OR10A2: variants seen among roughly 807,000 people sequenced by gnomAD.
The protein encoded by OR10A2 is olfactory receptor 10A2.
OR10A2 carries 15 observed loss-of-function variants against 13.7 expected under a neutral mutation model. The observed-to-expected ratio is 1.10, with a 90% CI of 0.73 to 1.69. The LOEUF is 1.69. Ranked by LOEUF, OR10A2 falls within the 40% of genes most tolerant of loss-of-function variation. The pLI is 0.00. For missense variants in OR10A2, 343 were observed against 361.1 expected (o/e 0.95, Z 0.41); for synonymous variants, 145 against 144.7 (o/e 1.00, Z -0.02).
At chr11:6,869,534 C>A in intron 1 of OR10A2, 89 bp from the exon 2 acceptor site, 1 of 571,894 alleles carries the variant, frequency 1.7e-6, no homozygotes, top group East Asian at 2.9e-5. Flanking sequence ...AGAGATTAGG[C>A]TCTGGCTACT....
At chr11:6,866,200 T>C (rs1479539362) in intron 1 of OR10A2, among the ~76,000 whole-genome samples, 2 of 152,214 alleles carry the variant, frequency 1.3e-5, no homozygotes, top group African/African-American at 4.8e-5. Context: ...ATTCATGTTT[T>C]TATATGAACA....
Position 6,873,921 on chromosome 11 carries a change from G to T in OR10A2, c.*3255G>T, listed in dbSNP as rs1044191125. 1 of 152,212 alleles carries T rather than the reference G, an allele frequency of 6.6e-6. No individual in the cohort carries two copies. The highest frequency in any genetic ancestry group is 2.4e-5 in the African/African-American group (1 of 41,446). 9.4% of individuals were successfully genotyped at this position (152,212 alleles called of 1,614,324 possible). On this transcript the variant is annotated 3_prime_UTR_variant, in exon 2 of 2. Coordinates refer to ENST00000641461, the MANE Select transcript of OR10A2 (RefSeq NM_001004460.2). ...GGCAGTGGTGGTAGAGCTGGAGAAG[G>T]TGACACTGAATTAGTGTTTAGGAGT...
At chr11:6,865,933 G>C (rs138688573) in intron 1 of OR10A2, among the ~76,000 whole-genome samples, 1 of 152,064 alleles carries the variant, frequency 6.6e-6, no homozygotes, top group Non-Finnish European at 1.5e-5. Context: ...CCACCCTCTC[G>C]TTAGTCACTG....
Position 6,866,968 on chromosome 11 carries a change from T to C in OR10A2, c.-132-2655T>C, listed in dbSNP as rs541328412. 3.9e-5 allele frequency among the ~76,000 whole-genome samples: 6 copies of C among 152,218 alleles called. 1 individual carries two copies. In the South Asian group the frequency reaches 6.2e-4, roughly 16 times the overall value. ...TTCTGTCATTCTGGAATACCTGTTA[T>C]AGTGATTTTATTTCTTGTATTTTAC... On this transcript the variant is annotated intron_variant, in intron 1 of 1. Coordinates refer to ENST00000641461, the MANE Select transcript of OR10A2 (RefSeq NM_001004460.2).
intron 1 of OR10A2, among the ~76,000 whole-genome samples, chr11:6,868,200 T>C (rs1425341104): frequency 6.6e-6 from 1 of 152,190 alleles, no homozygotes; most frequent in Admixed American, 6.5e-5. Flanking sequence ...AAATCTTAGA[T>C]CAGTTTGATT....
At position 6,871,369 on chromosome 11, in the gene OR10A2, C is replaced by G. The variant is rs564188677; in HGVS notation, c.*703C>G. On this transcript the variant is annotated 3_prime_UTR_variant, in exon 2 of 2. Transcript: ENST00000641461. ...TAAAAATCATCTTGTCACTTTTCCT[C>G]TTCTGGGCAGATCTGACTCTACATT... 1.3e-5 allele frequency: 2 copies of G among 151,812 alleles called. No homozygotes were observed. The highest frequency in any genetic ancestry group is 4.8e-5 in the African/African-American group (2 of 41,374). The allele number at this position is 151,812 out of a possible 1,614,324, so 9.4% of individuals were successfully genotyped here.
Position 6,869,631 on chromosome 11 carries a change from AG to A in OR10A2, c.-123del. The stretch of plus-strand genomic sequence containing the variant: ...GCCTCTTTCCCTGACAGTAAGAACG[AG>A]TCTGAAAAACAAATTGAGAATCTGA... On this transcript the variant is annotated 5_prime_UTR_variant, in exon 2 of 2. An upstream open reading frame in the 5' UTR gains an earlier in-frame stop. Coordinates refer to ENST00000641461, the MANE Select transcript of OR10A2 (RefSeq NM_001004460.2). 1.1e-6 allele frequency: 1 copy of A among 880,932 alleles called. No individual in the cohort carries two copies. The highest frequency in any genetic ancestry group is 1.6e-5 in the South Asian group (1 of 63,382). The allele number at this position is 880,932 out of a possible 1,614,324, so 54.6% of individuals were successfully genotyped here.
rs773406594 is a variant in OR10A2 at position 6,869,820 on chromosome 11, C to T, written c.66C>T (p.Tyr22=). 20 of 1,614,156 alleles carry T rather than the reference C, an allele frequency of 1.2e-5. No individual in the cohort carries two copies. The Admixed American group carries it at 3.3e-4, about 27-fold the overall frequency. ...SLLFLTFLTI[Y]LVTLMGNCLI... The stretch of plus-strand genomic sequence containing the variant: ...TCTTTCTGACATTTCTAACCATCTA[C>T]CTGGTCACCCTGATGGGAAACTGCC... The change falls in exon 2 of 2, where the codon TAC becomes TAT. Residue 22 remains tyrosine (Y), a synonymous_variant. Coordinates refer to ENST00000641461, the MANE Select transcript of OR10A2 (RefSeq NM_001004460.2).
chr11:6,865,164 T>C (rs1234966627), intron 1 of OR10A2, among the ~76,000 whole-genome samples: 2 of 147,220 alleles, frequency 1.4e-5, no homozygotes, highest in South Asian at 2.1e-4. Context: ...TATTTATATA[T>C]ACTTATCTAG....
rs1167733970 is a variant in OR10A2 at position 6,873,700 on chromosome 11, C to A, written c.*3034C>A. 1 of 149,928 alleles carries A rather than the reference C, an allele frequency of 6.7e-6. No homozygotes were observed. The highest frequency in any genetic ancestry group is 1.9e-4 in the East Asian group (1 of 5,138). The allele number at this position is 149,928 out of a possible 1,614,324, so 9.3% of individuals were successfully genotyped here. ...ACCTTGTTAAAGGATTTACTTTATC[C>A]CAGGGGCCATACGGAGTAATTGAAA... On this transcript the variant is annotated 3_prime_UTR_variant, in exon 2 of 2. Transcript: ENST00000641461.
chr11:6,870,947 C>CTTTT lies in OR10A2; in HGVS notation c.*295_*298dup, dbSNP rs35120311. 3.1e-3 allele frequency: 434 copies of CTTTT among 138,376 alleles called. 2 individuals are homozygous for CTTTT. The highest frequency in any genetic ancestry group is 0.011 in the South Asian group (58 of 5,460). 8.6% of individuals were successfully genotyped at this position (138,376 alleles called of 1,614,324 possible). On this transcript the variant is annotated 3_prime_UTR_variant, in exon 2 of 2. Transcript: ENST00000641461. Reference sequence around the variant, plus strand: ...CCAACTATTTCCAGGTGTTATATTTCTTTTTTTTTTTTTTTTTGAGACGGA... The same window carrying CTTTT: ...CCAACTATTTCCAGGTGTTATATTTCTTTTTTTTTTTTTTTTTTTTTGAGACGGA...
At chr11:6,868,215 TTC>T (rs1848395388) in intron 1 of OR10A2, among the ~76,000 whole-genome samples, 1 of 152,250 alleles carries the variant, frequency 6.6e-6, no homozygotes. Context: ...TTGATTATAA[TTC>T]TTTTATAAGA....
In OR10A2 at chr11:6,870,167, C is replaced by A; in HGVS notation, c.413C>A (p.Pro138Gln). Residue 138 changes from proline to glutamine, a missense_variant, in exon 2 of 2, where the codon CCA (proline) becomes CAA (glutamine). Coordinates refer to ENST00000641461, the MANE Select transcript of OR10A2 (RefSeq NM_001004460.2). ...RAKLAAASWF[P>Q]GFPVATVQTT... ...AAACTGGCTGCTGCCTCCTGGTTCC[C>A]AGGCTTTCCTGTAGCTACTGTGCAG... 1 of 1,614,246 alleles carries A rather than the reference C, an allele frequency of 6.2e-7. No homozygotes were observed. Among genetic ancestry groups the A allele is most frequent in the Non-Finnish European group, 8.5e-7 (1 of 1,180,042 alleles).
chr11:6,866,686 T>G lies in OR10A2; in HGVS notation c.-132-2937T>G, dbSNP rs150898110. ...TTTATTTTTTTGTTTGGTTGTGGTT[T>G]ATAGGGGGTATTTTTGTTTTGTTTT... On this transcript the variant is annotated intron_variant, in intron 1 of 1. Transcript: ENST00000641461. Among the ~76,000 whole-genome samples the G allele has an allele frequency of 3.1e-3, 466 of 152,274 alleles. 1 individual carries two copies. Among genetic ancestry groups the G allele is most frequent in the African/African-American group, 0.01 (435 of 41,562 alleles).
intron 1 of OR10A2, among the ~76,000 whole-genome samples, chr11:6,864,523 G>T (rs1848365171): frequency 6.6e-6 from 1 of 152,096 alleles, no homozygotes; most frequent in African/African-American, 2.4e-5. Context: ...ATATATATTG[G>T]TAGTAGAAAT....
rs763624340 is a variant in OR10A2, at chr11:6,869,924, A to C, written c.170A>C (p.Glu57Ala). 1 of 1,614,142 alleles carries C rather than the reference A, an allele frequency of 6.2e-7. No homozygotes were observed. Among genetic ancestry groups the C allele is most frequent in the East Asian group, 2.2e-5 (1 of 44,880 alleles). ...TTCCTCAGAAACTTATCTTTCCTGG[A>C]GATTGGCTTCAACCTAGTCATTGTG... ...YFFLRNLSFL[E>A]IGFNLVIVPK... The change falls in exon 2 of 2, where the codon GAG becomes GCG. Residue 57 changes from glutamate to alanine, a missense_variant. Coordinates refer to ENST00000641461, the MANE Select transcript of OR10A2 (RefSeq NM_001004460.2).
At chr11:6,863,478 T>C (rs1396288818) in intron 1 of OR10A2, 127 bp downstream of exon 1, 1 of 151,518 alleles carries the variant, frequency 6.6e-6, no homozygotes, top group African/African-American at 2.4e-5. Flanking sequence ...AATTCTATTC[T>C]TATGTTCACA....
In OR10A2 at chr11:6,869,607, C is replaced by T. The variant is rs1362780295; in HGVS notation, c.-132-16C>T. The T allele has an allele frequency of 1.9e-5, 14 of 744,254 alleles. No homozygotes were observed. Among genetic ancestry groups the T allele is most frequent in the Non-Finnish European group, 2.7e-5 (12 of 438,566 alleles). The allele number at this position is 744,254 out of a possible 1,614,324, so 46.1% of individuals were successfully genotyped here. On this transcript the variant is annotated splice_polypyrimidine_tract_variant and intron_variant, in intron 1 of 1. Transcript: ENST00000641461. ...TCCTCTGCCTGAGGTGCTGACCTTG[C>T]CTCTTTCCCTGACAGTAAGAACGAG... is the stretch of plus-strand genomic sequence containing the variant.
chr11:6,865,096 TA>T (rs979510349), intron 1 of OR10A2, among the ~76,000 whole-genome samples: 2 of 135,852 alleles, frequency 1.5e-5, no homozygotes, highest in African/African-American at 2.6e-5. Context: ...TATATATGAA[TA>T]AAAATATATA....
Sources: allele counts gnomAD v4.1 joint callset (sites outside exome capture counted in the v4.1 genomes callset), GRCh38; gene constraint gnomAD v4.1.1; transcripts MANE v1.5; gene names NCBI Gene and HGNC (gene_info 2026-07-23, HGNC 2026-07-21).